Variants in SH3BGR observed in about 807,000 individuals in gnomAD.
SH3BGR encodes SH3 domain binding glutamate rich protein.
Under a neutral mutation model 24.5 loss-of-function variants are expected in SH3BGR, and 29 were observed. The ratio of observed to expected loss-of-function variants is 1.18; its 90% CI spans 0.88 to 1.61. The LOEUF is 1.61. Ranked by LOEUF, SH3BGR falls within the 40% of genes most tolerant of loss-of-function variation. SH3BGR has a pLI of 0.00. For synonymous variants in SH3BGR, 55 were observed against 65.7 expected (o/e 0.84, Z 0.79); for missense variants, 162 against 205.8 (o/e 0.79, Z 1.30).
intron 3 of SH3BGR, among the ~76,000 whole-genome samples, chr21:39,495,496 T>TC (rs956257189): frequency 1.2e-4 from 18 of 151,916 alleles, no homozygotes; most frequent in African/African-American, 4.4e-4. Flanking sequence ...TTTTTTTTTT[T>TC]TGAGTAAAGA....
upstream of SH3BGR, among the ~76,000 whole-genome samples, chr21:39,447,941 C>CAGAAGTATG (rs992987663): frequency 1.2e-4 from 19 of 152,302 alleles, no homozygotes; most frequent in African/African-American, 4.6e-4. Context: ...TTCTGGAGGT[C>CAGAAGTATG]AGAAGTATGA....
intron 4 of SH3BGR, 109 bp downstream of exon 4, chr21:39,500,024 G>A: frequency 1.3e-6 from 1 of 769,604 alleles, no homozygotes; most frequent in Non-Finnish European, 2.2e-6. Flanking sequence ...AAGAGGGCAA[G>A]GAGCTGAGAG....
chr21:39,480,956 G>T (rs2078120412), intron 3 of SH3BGR, among the ~76,000 whole-genome samples: 1 of 152,280 alleles, frequency 6.6e-6, no homozygotes. Context: ...ACTCAAATAG[G>T]CAGGGAAATT....
At chr21:39,488,456 A>G (rs2078245399) in intron 3 of SH3BGR, 1 of 250,564 alleles carries the variant, frequency 4.0e-6, no homozygotes, top group Non-Finnish European at 8.1e-6. Flanking sequence ...GAGCCCCACC[A>G]ATGCCGAGGT....
intron 5 of SH3BGR, among the ~76,000 whole-genome samples, chr21:39,510,272 G>A (rs1205377461): frequency 6.6e-6 from 1 of 152,074 alleles, no homozygotes; most frequent in Non-Finnish European, 1.5e-5. Flanking sequence ...CAAAATTCAT[G>A]ATCTTTATAG....
At chr21:39,477,565 T>A (rs1746405598) in intron 3 of SH3BGR, among the ~76,000 whole-genome samples, 1 of 152,212 alleles carries the variant, frequency 6.6e-6, no homozygotes, top group African/African-American at 2.4e-5. Flanking sequence ...TAGGATAAAT[T>A]CCCGGTAGCT....
At chr21:39,499,729 G>A (rs189113122) in intron 3 of SH3BGR, 94 bp from the exon 4 acceptor site, 919 of 817,014 alleles carry the variant, frequency 1.1e-3, no homozygotes, top group Non-Finnish European at 1.6e-3. Context: ...TATATACTGT[G>A]TGTCTAAATA....
Position 39,457,693 on chromosome 21 carries a change from A to G in SH3BGR, c.46-4682A>G, listed in dbSNP as rs1467576051. On this transcript the variant is annotated intron_variant, in intron 1 of 6. Transcript: ENST00000333634. ...TTGCCTGTAATCCCAGCACTTTAGG[A>G]GGCTGAGGCAGGTGGATCACTTGAG... is the stretch of plus-strand genomic sequence containing the variant. Among the ~76,000 whole-genome samples the G allele has an allele frequency of 3.9e-5, 6 of 151,970 alleles. No individual in the cohort carries two copies. The East Asian group carries it at 1.2e-3, about 29-fold the overall frequency.
Position 39,499,137 on chromosome 21 carries a change from C to G in SH3BGR, c.313-686C>G, listed in dbSNP as rs112518182. On this transcript the variant is annotated intron_variant, in intron 3 of 6. Coordinates refer to ENST00000333634, the MANE Select transcript of SH3BGR (RefSeq NM_007341.3). ...CACCCCATGATTCAGTTACCTCCAT[C>G]TGGTCTCTCTCTTGACATGTGGGGA... Among the ~76,000 whole-genome samples the G allele has an allele frequency of 6.9e-3, 1,052 of 152,286 alleles. 15 individuals carry two copies. The highest frequency in any genetic ancestry group is 0.024 in the African/African-American group (1,010 of 41,556).
upstream of SH3BGR, among the ~76,000 whole-genome samples, chr21:39,449,542 C>T (rs758813596): frequency 2.0e-5 from 3 of 152,090 alleles, no homozygotes; most frequent in Non-Finnish European, 4.4e-5. Flanking sequence ...TGTTGAAGCT[C>T]GTTTGTGTCA....
upstream of SH3BGR, among the ~76,000 whole-genome samples, chr21:39,447,545 A>G (rs2077519135): frequency 6.7e-6 from 1 of 149,910 alleles, no homozygotes; most frequent in Non-Finnish European, 1.5e-5. Context: ...CCTCCTGAGT[A>G]GCTGGGATTA....
intron 3 of SH3BGR, among the ~76,000 whole-genome samples, chr21:39,499,153 C>G (rs1368854782): frequency 6.6e-6 from 1 of 151,202 alleles, no homozygotes; most frequent in Admixed American, 6.7e-5. Flanking sequence ...TCTCTCTTGA[C>G]ATGTGGGGAT....
At chr21:39,454,063 A>C (rs2077616664) in intron 1 of SH3BGR, among the ~76,000 whole-genome samples, 1 of 152,182 alleles carries the variant, frequency 6.6e-6, no homozygotes, top group Non-Finnish European at 1.5e-5. Flanking sequence ...TATGTGTGAG[A>C]AGAATTTTCC....
rs997419884 is a variant in SH3BGR at position 39,475,306 on chromosome 21, G to A, written c.312+91G>A. ...CATCCAAGACTGTTTAATACATGAT[G>A]ATCTCTAAATTAACATTACTTTAGT... is the stretch of plus-strand genomic sequence containing the variant. On this transcript the variant is annotated intron_variant, in intron 3 of 6. Transcript: ENST00000333634. 2.3e-5 allele frequency: 18 copies of A among 773,354 alleles called. No homozygotes were observed. In the East Asian group the frequency reaches 4.2e-4, roughly 18 times the overall value. The allele number at this position is 773,354 out of a possible 1,614,324, so 47.9% of individuals were successfully genotyped here.
chr21:39,501,172 T>C (rs2078488189), intron 4 of SH3BGR, among the ~76,000 whole-genome samples: 1 of 152,252 alleles, frequency 6.6e-6, no homozygotes, highest in African/African-American at 2.4e-5. Flanking sequence ...ACAGTCATAT[T>C]GATGAATACT....
At chr21:39,498,835 A>G (rs2078442051) in intron 3 of SH3BGR, among the ~76,000 whole-genome samples, 1 of 152,124 alleles carries the variant, frequency 6.6e-6, no homozygotes. Flanking sequence ...TATCATCTGT[A>G]TCTATCCATC....
chr21:39,501,910 C>T (rs1009260327), intron 4 of SH3BGR, among the ~76,000 whole-genome samples: 5 of 152,356 alleles, frequency 3.3e-5, no homozygotes, highest in South Asian at 2.1e-4. Context: ...GCATGGCTCA[C>T]GCCTATAATC....
upstream of SH3BGR, among the ~76,000 whole-genome samples, chr21:39,447,416 CT>C (rs910615975): frequency 5.2e-3 from 598 of 114,692 alleles, 2 homozygotes; most frequent in African/African-American, 0.017. Context: ...TTCGCTTTTG[CT>C]TTTTTTTTTT....
At chr21:39,492,479 T>TATAA (rs1040173926) in intron 3 of SH3BGR, among the ~76,000 whole-genome samples, 80 of 67,812 alleles carry the variant, frequency 1.2e-3, no homozygotes, top group African/African-American at 2.3e-3. Context: ...TATATATATA[T>TATAA]ATACACACAC....
Sources: gnomAD v4.1 joint callset for allele counts (sites outside exome capture counted in the v4.1 genomes callset) on GRCh38, gnomAD v4.1.1 for gene constraint, MANE v1.5 for transcripts, NCBI Gene and HGNC (gene_info 2026-07-23, HGNC 2026-07-21) for gene names.